FRMD4A: variants seen among roughly 807,000 people sequenced by gnomAD.
The protein encoded by FRMD4A is FERM domain containing 4A.
FRMD4A carries 29 observed loss-of-function variants against 129.1 expected under a neutral mutation model. That is an observed-to-expected ratio of 0.22 (90% CI 0.17 to 0.31). The LOEUF (loss-of-function observed/expected upper bound fraction) is 0.31, where lower values mean the gene tolerates loss of function less well. Ranked by LOEUF, FRMD4A falls within the 10% of genes least tolerant of loss-of-function variation. The pLI, the probability that FRMD4A is intolerant of heterozygous loss-of-function variation, is 1.00. For synonymous variants in FRMD4A, 634 were observed against 571.6 expected (o/e 1.11, Z -1.56); for missense variants, 1,272 against 1,375.8 (o/e 0.92, Z 1.19).
At chr10:14,138,445 G>T (rs2131838146) in intron 2 of FRMD4A, among the ~76,000 whole-genome samples, 1 of 152,276 alleles carries the variant, frequency 6.6e-6, no homozygotes, top group Middle Eastern at 3.4e-3. Context: ...CTAACGCGTT[G>T]GGATAATAGA....
At chr10:14,191,938 C>G (rs1033437711) in intron 2 of FRMD4A, among the ~76,000 whole-genome samples, 5 of 151,810 alleles carry the variant, frequency 3.3e-5, no homozygotes, top group African/African-American at 1.2e-4. Flanking sequence ...AAATTATTTT[C>G]TCACTCACTG....
chr10:13,813,536 C>A (rs1331454408), intron 3 of FRMD4A, among the ~76,000 whole-genome samples: 1 of 152,202 alleles, frequency 6.6e-6, no homozygotes, highest in Non-Finnish European at 1.5e-5. Context: ...TATTGTAAAT[C>A]GAAAATACAT....
At chr10:14,108,244 G>T (rs1837688069) in intron 2 of FRMD4A, among the ~76,000 whole-genome samples, 2 of 152,084 alleles carry the variant, frequency 1.3e-5, no homozygotes, top group Middle Eastern at 3.2e-3. Context: ...TCAGATAAGT[G>T]CATTTTAAAA....
At chr10:14,129,685 T>C (rs1242002852) in intron 2 of FRMD4A, among the ~76,000 whole-genome samples, 2 of 151,974 alleles carry the variant, frequency 1.3e-5, no homozygotes, top group Non-Finnish European at 2.9e-5. Flanking sequence ...GGGTAATTAG[T>C]TCTGTGTGCT....
In FRMD4A at chr10:14,242,240, GAGA is replaced by G. The variant is rs1172709726; in HGVS notation, c.45+87815_45+87817del. Among the ~76,000 whole-genome samples the G allele has an allele frequency of 3.3e-5, 5 of 152,332 alleles. No individual in the cohort carries two copies. In the East Asian group the frequency reaches 9.7e-4, roughly 29 times the overall value. On this transcript the variant is annotated intron_variant, in intron 2 of 24. Coordinates refer to ENST00000357447, the MANE Select transcript of FRMD4A (RefSeq NM_018027.5). ...CAGGGATCGTATGGAGCATGGGGAT[GAGA>G]AGAACGTCCAAAGATGAGGGCTTTC...
At chr10:13,829,228 G>A (rs2093752187) in intron 3 of FRMD4A, among the ~76,000 whole-genome samples, 3 of 152,090 alleles carry the variant, frequency 2.0e-5, no homozygotes, top group African/African-American at 4.8e-5. Flanking sequence ...TAAACAAAAC[G>A]AAAAACATTC....
intron 2 of FRMD4A, among the ~76,000 whole-genome samples, chr10:14,094,604 C>T (rs1836844495): frequency 6.6e-6 from 1 of 152,056 alleles, no homozygotes; most frequent in African/African-American, 2.4e-5. Context: ...TTCAGTGAGC[C>T]CTGCATGGCT....
chr10:13,910,167 G>A (rs967541418), intron 2 of FRMD4A, among the ~76,000 whole-genome samples: 1 of 152,176 alleles, frequency 6.6e-6, no homozygotes, highest in Non-Finnish European at 1.5e-5. Context: ...GTTTGTCTTG[G>A]CCAATAAAAT....
At chr10:14,148,257 T>G (rs2131851160) in intron 2 of FRMD4A, among the ~76,000 whole-genome samples, 1 of 152,338 alleles carries the variant, frequency 6.6e-6, no homozygotes, top group Non-Finnish European at 1.5e-5. Context: ...CCCCTTTAGT[T>G]TCCAGGTTAA....
intron 2 of FRMD4A, among the ~76,000 whole-genome samples, chr10:14,161,717 G>T (rs1425284498): frequency 6.6e-6 from 1 of 152,164 alleles, no homozygotes; most frequent in East Asian, 1.9e-4. Flanking sequence ...CAAACCTACA[G>T]TTGGATAGAA....
At chr10:14,286,082 G>T (rs1319893806) in intron 2 of FRMD4A, among the ~76,000 whole-genome samples, 1 of 152,182 alleles carries the variant, frequency 6.6e-6, no homozygotes, top group Non-Finnish European at 1.5e-5. Flanking sequence ...GCTAATTTAA[G>T]ATCAGAAATT....
At chr10:13,754,767 C>T (rs372412619) in intron 8 of FRMD4A, among the ~76,000 whole-genome samples, 4 of 151,892 alleles carry the variant, frequency 2.6e-5, no homozygotes, top group African/African-American at 9.7e-5. Flanking sequence ...ATTAAAGTTA[C>T]TGTTAAGTTA....
intron 15 of FRMD4A, among the ~76,000 whole-genome samples, chr10:13,687,056 C>T (rs994767373): frequency 1.2e-4 from 18 of 152,074 alleles, no homozygotes; most frequent in Non-Finnish European, 2.9e-5. Flanking sequence ...GTTGGGAGGC[C>T]GAGGCAGGCA....
chr10:13,747,427 C>T (rs1437194271), intron 9 of FRMD4A, among the ~76,000 whole-genome samples: 2 of 151,328 alleles, frequency 1.3e-5, no homozygotes, highest in East Asian at 3.9e-4. Flanking sequence ...ATCCCAGCTA[C>T]TCAGGAGGCT....
intron 2 of FRMD4A, among the ~76,000 whole-genome samples, chr10:14,193,577 T>A (rs1005107578): frequency 6.7e-6 from 1 of 148,696 alleles, no homozygotes; most frequent in Non-Finnish European, 1.5e-5. Context: ...TTGAAGAACA[T>A]ACAATTTAGT....
chr10:14,133,956 T>G (rs981445534), intron 2 of FRMD4A, among the ~76,000 whole-genome samples: 1 of 152,206 alleles, frequency 6.6e-6, no homozygotes, highest in African/African-American at 2.4e-5. Flanking sequence ...AAGGTGAAGT[T>G]AGAAGAACTT....
intron 3 of FRMD4A, among the ~76,000 whole-genome samples, chr10:13,833,853 A>G (rs1255563279): frequency 6.6e-6 from 1 of 152,192 alleles, no homozygotes; most frequent in Non-Finnish European, 1.5e-5. Context: ...CTGGGCCTCA[A>G]AGCCAGGTAG....
intron 2 of FRMD4A, among the ~76,000 whole-genome samples, chr10:14,123,262 T>C (rs1838640105): frequency 6.6e-6 from 1 of 152,146 alleles, no homozygotes; most frequent in African/African-American, 2.4e-5. Context: ...GAGCCACTCC[T>C]GTTAGTTCGA....
At chr10:14,111,939 G>A (rs1033089098) in intron 2 of FRMD4A, among the ~76,000 whole-genome samples, 3 of 138,744 alleles carry the variant, frequency 2.2e-5, no homozygotes, top group Non-Finnish European at 4.6e-5. Context: ...AAGGAAGGAA[G>A]GAAGGAAGGG....
Sources: gnomAD v4.1 joint callset for allele counts (sites outside exome capture counted in the v4.1 genomes callset) on GRCh38, gnomAD v4.1.1 for gene constraint, MANE v1.5 for transcripts, NCBI Gene and HGNC (gene_info 2026-07-23, HGNC 2026-07-21) for gene names.